ZNF865: variants seen among roughly 807,000 people sequenced by gnomAD.
ZNF865 encodes zinc finger protein 865.
For missense variants in ZNF865, 1,311 were observed against 1,593.4 expected, an observed-to-expected ratio of 0.82 and a Z score of 3.02; for synonymous variants, 763 against 750.8, an observed-to-expected ratio of 1.02 and a Z score of -0.27.
At chr19:55,608,661 C>T (rs528810335) in intron 1 of ZNF865, among the ~76,000 whole-genome samples, 154 of 152,072 alleles carry the variant, frequency 1.0e-3, no homozygotes, top group African/African-American at 3.4e-3. Flanking sequence ...GGTTTGGGAC[C>T]GAGGATAGAC....
In ZNF865 at chr19:55,616,088, C is replaced by T; in HGVS notation, c.2470C>T (p.Leu824Phe). ...GGTGCGACGGACCCTGGGCTGCGGC[C>T]TCTGCGGCCAGAGCTTCGCGGGCGC... ...HLVRRTLGCG[L>F]CGQSFAGAYD... The change falls in exon 2 of 2, where the codon CTC (leucine) becomes TTC (phenylalanine). Residue 824 changes from leucine to phenylalanine, a missense_variant. By Grantham distance (22) the Leu-to-Phe change is conservative. Coordinates refer to ENST00000568956, the MANE Select transcript of ZNF865 (RefSeq NM_001195605.2). The T allele has an allele frequency of 6.7e-7, 1 of 1,494,898 alleles. No homozygotes were observed. Among genetic ancestry groups the T allele is most frequent in the Non-Finnish European group, 8.9e-7 (1 of 1,125,904 alleles). The allele number at this position is 1,494,898 out of a possible 1,614,324, so 92.6% of individuals were successfully genotyped here. A position where few individuals can be genotyped will look rare whatever the true frequency, so the allele number is the denominator to read the frequency against.
Position 55,613,798 on chromosome 19 carries a change from C to G in ZNF865, c.180C>G (p.Cys60Trp). The change falls in exon 2 of 2, where the codon TGC becomes TGG. Residue 60 changes from cysteine (C) to tryptophan (W), a missense_variant. By Grantham distance (215) the Cys-to-Trp change is radical (BLOSUM62 -2). Transcript: ENST00000568956. The part of the protein sequence containing the change: ...EHAKAVAALP[C>W]APGPPPQPPP... ...CCAAGGCGGTGGCGGCCCTGCCCTG[C>G]GCCCCCGGCCCCCCGCCGCAGCCCC... The G allele has an allele frequency of 6.6e-7, 1 of 1,518,626 alleles. No homozygotes were observed. Among genetic ancestry groups the G allele is most frequent in the Non-Finnish European group, 8.8e-7 (1 of 1,138,184 alleles). 94.1% of individuals were successfully genotyped at this position (1,518,626 alleles called of 1,614,324 possible). A position where few individuals can be genotyped will look rare whatever the true frequency, so the allele number is the denominator to read the frequency against.
chr19:55,610,288 C>T (rs1030477080), intron 1 of ZNF865, among the ~76,000 whole-genome samples: 3 of 152,086 alleles, frequency 2.0e-5, no homozygotes, highest in African/African-American at 4.8e-5. Context: ...GAGATGGAGT[C>T]GCGCTCTTGT....
chr19:55,608,934 C>T lies in ZNF865; in HGVS notation c.-27+3202C>T, dbSNP rs113753966. On this transcript the variant is annotated intron_variant, in intron 1 of 1. Transcript: ENST00000568956. ...TCCTTCATTTTGGAGGGAGAAATACCGAAAGACAGCATGTGATGGGACTCT... is the reference window on the plus strand; with the variant it reads ...TCCTTCATTTTGGAGGGAGAAATACTGAAAGACAGCATGTGATGGGACTCT... 3.5e-3 allele frequency among the ~76,000 whole-genome samples: 539 copies of T among 152,162 alleles called. 1 individual carries two copies. Among genetic ancestry groups the T allele is most frequent in the Non-Finnish European group, 6.8e-3 (459 of 67,996 alleles).
At chr19:55,607,439 G>GAA (rs112301848) in intron 1 of ZNF865, among the ~76,000 whole-genome samples, 29 of 78,388 alleles carry the variant, frequency 3.7e-4, no homozygotes, top group African/African-American at 8.7e-4. Context: ...GTCTTTACAG[G>GAA]AAAAAAAAAA....
intron 1 of ZNF865, chr19:55,613,185 G>C (rs1981199628): frequency 5.9e-6 from 1 of 169,044 alleles, no homozygotes; most frequent in African/African-American, 2.4e-5. Flanking sequence ...GATGGCGTGA[G>C]TCCAGGAGTT....
In ZNF865 at chr19:55,613,958, T is replaced by G; in HGVS notation, c.340T>G (p.Ser114Ala). 1 of 1,531,108 alleles carries G rather than the reference T, an allele frequency of 6.5e-7. No homozygotes were observed. The allele number at this position is 1,531,108 out of a possible 1,614,324, so 94.8% of individuals were successfully genotyped here. A position where few individuals can be genotyped will look rare whatever the true frequency, so the allele number is the denominator to read the frequency against. Reference protein sequence around the residue: ...SSSSSSSSSSSSSSQAKKPDP... With the variant: ...SSSSSSSSSSASSSQAKKPDP... ...GTCCTCCTCGTCGTCATCTTCGTCC[T>G]CTTCCTCTTCCCAAGCCAAGAAGCC... is the stretch of plus-strand genomic sequence containing the variant. The change falls in exon 2 of 2, where the codon TCT becomes GCT. Residue 114 changes from serine to alanine, a missense_variant. Coordinates refer to ENST00000568956, the MANE Select transcript of ZNF865 (RefSeq NM_001195605.2).
At chr19:55,606,101 G>C (rs1287303402) in intron 1 of ZNF865, among the ~76,000 whole-genome samples, 1 of 152,110 alleles carries the variant, frequency 6.6e-6, no homozygotes, top group Non-Finnish European at 1.5e-5. Flanking sequence ...TAGGGCAGCT[G>C]CTCGTGAACC....
At position 55,611,070 on chromosome 19, in the gene ZNF865, G is replaced by A. The variant is rs113545691; in HGVS notation, c.-26-2523G>A. 0.015 allele frequency among the ~76,000 whole-genome samples: 2,288 copies of A among 152,280 alleles called. 25 individuals carry two copies. The highest frequency in any genetic ancestry group is 0.022 in the Non-Finnish European group (1,472 of 68,024). ...AGTGAAACACTGCTGTGGGGGCAAG[G>A]GTGGGAATGGGGTTCAAGCCCATTG... On this transcript the variant is annotated intron_variant, in intron 1 of 1. Coordinates refer to ENST00000568956, the MANE Select transcript of ZNF865 (RefSeq NM_001195605.2). This position sits in a 1 kb window ranked among gnomAD's most constrained non-coding sequence, Gnocchi z 4.5.
chr19:55,608,754 A>C (rs1039273790), intron 1 of ZNF865, among the ~76,000 whole-genome samples: 47 of 152,238 alleles, frequency 3.1e-4, no homozygotes, highest in African/African-American at 1.1e-3. Context: ...AACAAGCCAC[A>C]TAAGGCACCT....
rs1487653204 is a variant in ZNF865 at position 55,614,612 on chromosome 19, G to A, written c.994G>A (p.Ala332Thr). 1.3e-6 allele frequency: 2 copies of A among 1,525,674 alleles called. No homozygotes were observed. Among genetic ancestry groups the A allele is most frequent in the Admixed American group, 2.0e-5 (1 of 49,876 alleles). The allele number at this position is 1,525,674 out of a possible 1,614,324, so 94.5% of individuals were successfully genotyped here. A position where few individuals can be genotyped will look rare whatever the true frequency, so the allele number is the denominator to read the frequency against. Residue 332 changes from alanine to threonine, a missense_variant, in exon 2 of 2, where the codon GCC (alanine) becomes ACC (threonine). By Grantham distance (58) the Ala-to-Thr change is moderately conservative. Coordinates refer to ENST00000568956, the MANE Select transcript of ZNF865 (RefSeq NM_001195605.2). This position sits in a 1 kb window ranked among gnomAD's most constrained non-coding sequence, Gnocchi z 8.0. Reference protein sequence around the residue: ...APAPSADGSAAPAGVGVPPPA... With the variant: ...APAPSADGSATPAGVGVPPPA... Reference sequence around the variant, plus strand: ...TGCCCCCTCCGCAGACGGGAGCGCCGCCCCTGCTGGTGTTGGGGTGCCCCC... The same window carrying A: ...TGCCCCCTCCGCAGACGGGAGCGCCACCCCTGCTGGTGTTGGGGTGCCCCC...
chr19:55,614,268 A>G lies in ZNF865; in HGVS notation c.650A>G (p.Lys217Arg), dbSNP rs1301219145. The G allele has an allele frequency of 1.3e-6, 2 of 1,517,128 alleles. No individual in the cohort carries two copies. The highest frequency in any genetic ancestry group is 2.6e-5 in the East Asian group (1 of 38,830). 94.0% of individuals were successfully genotyped at this position (1,517,128 alleles called of 1,614,324 possible). The change falls in exon 2 of 2, where the codon AAG (lysine) becomes AGG (arginine). Residue 217 changes from lysine to arginine, a missense_variant. Coordinates refer to ENST00000568956, the MANE Select transcript of ZNF865 (RefSeq NM_001195605.2). This position sits in a 1 kb window ranked among gnomAD's most constrained non-coding sequence, Gnocchi z 8.0. ...KDDKGYFRRLKYLMERRFPCG... is the reference protein window; with the variant it reads ...KDDKGYFRRLRYLMERRFPCG... Reference sequence around the variant, plus strand: ...GACAAGGGCTACTTCCGGAGACTGAAGTACCTGATGGAGCGGCGCTTCCCC... The same window carrying G: ...GACAAGGGCTACTTCCGGAGACTGAGGTACCTGATGGAGCGGCGCTTCCCC...
chr19:55,615,216 C>G lies in ZNF865; in HGVS notation c.1598C>G (p.Ala533Gly). ...GCCCACCCGCTGCTGCTCGGCGGCGCGGGGACCAGCGGGGCGGGAGGCTCG... is the reference window on the plus strand; with the variant it reads ...GCCCACCCGCTGCTGCTCGGCGGCGGGGGGACCAGCGGGGCGGGAGGCTCG... ...LGAHPLLLGGAGTSGAGGSGA... is the reference protein window; with the variant it reads ...LGAHPLLLGGGGTSGAGGSGA... Residue 533 changes from alanine to glycine, a missense_variant, in exon 2 of 2, where the codon GCG becomes GGG. Physicochemically the swap from Ala to Gly is moderately conservative, Grantham distance 60. Coordinates refer to ENST00000568956, the MANE Select transcript of ZNF865 (RefSeq NM_001195605.2). The G allele has an allele frequency of 5.4e-6, 8 of 1,474,520 alleles. No individual in the cohort carries two copies. Among genetic ancestry groups the G allele is most frequent in the Non-Finnish European group, 7.1e-6 (8 of 1,122,546 alleles). 91.3% of individuals were successfully genotyped at this position (1,474,520 alleles called of 1,614,324 possible).
In ZNF865 at chr19:55,615,074, A is replaced by AC; in HGVS notation, c.1458dup (p.Phe487LeufsTer83). 1 of 363,148 alleles carries AC rather than the reference A, an allele frequency of 2.8e-6. No individual in the cohort carries two copies. Among genetic ancestry groups the AC allele is most frequent in the Non-Finnish European group, 3.5e-6 (1 of 284,966 alleles). The allele number at this position is 363,148 out of a possible 1,614,324, so 22.5% of individuals were successfully genotyped here. ...GGCCTCGGCCCCGCAGCCCCCGCCC[A>AC]CCTTCCCCCCGGGCCCGTACCTCCT... On this transcript the variant is annotated frameshift_variant, in exon 2 of 2. Coordinates refer to ENST00000568956, the MANE Select transcript of ZNF865 (RefSeq NM_001195605.2). LOFTEE classifies it low-confidence loss of function (END_TRUNC).
Position 55,614,767 on chromosome 19 carries a change from C to T in ZNF865, c.1149C>T (p.Cys383=). The change falls in exon 2 of 2, where the codon TGC becomes TGT. Residue 383 remains cysteine, a synonymous_variant. Coordinates refer to ENST00000568956, the MANE Select transcript of ZNF865 (RefSeq NM_001195605.2). The surrounding 1 kb of genome is among the most constrained non-coding windows in gnomAD (Gnocchi z 8.0). ...TGEKPFSCSV[C]SKSFNRRESL... ...AGAAGCCCTTCTCCTGCTCCGTGTG[C>T]AGCAAAAGCTTCAACCGCAGGGAGA... is the stretch of plus-strand genomic sequence containing the variant. 6.3e-7 allele frequency: 1 copy of T among 1,575,464 alleles called. No individual in the cohort carries two copies. Among genetic ancestry groups the T allele is most frequent in the Non-Finnish European group, 8.6e-7 (1 of 1,169,280 alleles).
Position 55,616,694 on chromosome 19 carries a change from T to G in ZNF865, c.3076T>G (p.Phe1026Val). The part of the protein sequence containing the change: ...PFRCSSCGEG[F>V]ANTYGLKKHR... Reference sequence around the variant, plus strand: ...CCGCTGCTCCTCCTGCGGCGAGGGCTTCGCCAACACCTACGGCCTCAAGAA... The same window carrying G: ...CCGCTGCTCCTCCTGCGGCGAGGGCGTCGCCAACACCTACGGCCTCAAGAA... Residue 1026 changes from phenylalanine (F) to valine (V), a missense_variant, in exon 2 of 2, where the codon TTC (phenylalanine) becomes GTC (valine). Coordinates refer to ENST00000568956, the MANE Select transcript of ZNF865 (RefSeq NM_001195605.2). The G allele has an allele frequency of 6.5e-7, 1 of 1,529,606 alleles. No homozygotes were observed. The highest frequency in any genetic ancestry group is 8.7e-7 in the Non-Finnish European group (1 of 1,144,092). 94.8% of individuals were successfully genotyped at this position (1,529,606 alleles called of 1,614,324 possible). A position where few individuals can be genotyped will look rare whatever the true frequency, so the allele number is the denominator to read the frequency against.
rs1301558765 is a variant in ZNF865, at chr19:55,615,624, A to G, written c.2006A>G (p.Tyr669Cys). The G allele has an allele frequency of 1.3e-6, 2 of 1,534,158 alleles. No homozygotes were observed. Among genetic ancestry groups the G allele is most frequent in the Non-Finnish European group, 1.7e-6 (2 of 1,146,150 alleles). The change falls in exon 2 of 2, where the codon TAC becomes TGC. Residue 669 changes from tyrosine (Y) to cysteine (C), a missense_variant. Coordinates refer to ENST00000568956, the MANE Select transcript of ZNF865 (RefSeq NM_001195605.2). Reference sequence around the variant, plus strand: ...GCAGGGCCCACCGATGGGCTGAGCTACGCCTGCTCGGACTGCGGCGAGCAC... The same window carrying G: ...GCAGGGCCCACCGATGGGCTGAGCTGCGCCTGCTCGGACTGCGGCGAGCAC... ...TSAGPTDGLSYACSDCGEHFP... is the reference protein window; with the variant it reads ...TSAGPTDGLSCACSDCGEHFP...
At position 55,616,493 on chromosome 19, in the gene ZNF865, G is replaced by A. The variant is rs1412012587; in HGVS notation, c.2875G>A (p.Ala959Thr). 2.0e-6 allele frequency: 3 copies of A among 1,534,070 alleles called. No individual in the cohort carries two copies. The Admixed American group carries it at 5.9e-5, about 30-fold the overall frequency. Residue 959 changes from alanine (A) to threonine (T), a missense_variant, in exon 2 of 2, where the codon GCC (alanine) becomes ACC (threonine). By Grantham distance (58) the Ala-to-Thr change is moderately conservative (BLOSUM62 0). Transcript: ENST00000568956. ...EHQRLHLGER[A>T]YRCEHCGKGF... ...CCAGCGGCTGCACCTGGGCGAGCGCGCCTACCGCTGTGAGCACTGCGGCAA... is the reference window on the plus strand; with the variant it reads ...CCAGCGGCTGCACCTGGGCGAGCGCACCTACCGCTGTGAGCACTGCGGCAA...
At chr19:55,607,851 A>C (rs1980998002) in intron 1 of ZNF865, among the ~76,000 whole-genome samples, 1 of 152,216 alleles carries the variant, frequency 6.6e-6, no homozygotes, top group South Asian at 2.1e-4. Context: ...GCTTTGAGCA[A>C]ATCACTCCCT....
Sources: gnomAD v4.1 joint callset for allele counts (sites outside exome capture counted in the v4.1 genomes callset) on GRCh38, gnomAD v4.1.1 for gene constraint, Gnocchi (gnomAD v3.1) non-coding constraint, MANE v1.5 for transcripts, NCBI Gene and HGNC (gene_info 2026-07-23, HGNC 2026-07-21) for gene names.